Variants in CEP112 observed in about 807,000 individuals in gnomAD.
CEP112 encodes the protein centrosomal protein 112.
Under a neutral mutation model 153.0 loss-of-function variants are expected in CEP112, and 127 were observed. The observed-to-expected ratio is 0.83, with a 90% confidence interval of 0.72 to 0.96. The LOEUF is 0.96. CEP112 is among the 40% of genes least tolerant of loss of function. The pLI is 0.00. For synonymous variants in CEP112, 358 were observed against 374.4 expected (o/e 0.96, Z 0.51); for missense variants, 1,089 against 1,101.2 (o/e 0.99, Z 0.16).
intron 23 of CEP112, among the ~76,000 whole-genome samples, chr17:65,704,122 G>A (rs915107708): frequency 2.6e-5 from 4 of 151,916 alleles, no homozygotes; most frequent in African/African-American, 4.8e-5. Context: ...TTGGCCCTGC[G>A]ACGACAGGGC....
intron 21 of CEP112, among the ~76,000 whole-genome samples, chr17:65,751,847 A>G (rs1177946648): frequency 1.3e-5 from 2 of 152,186 alleles, no homozygotes; most frequent in African/African-American, 4.8e-5. Context: ...GCCCAGCATC[A>G]CACAGCTAGG....
At chr17:65,902,094 A>G in intron 20 of CEP112, 58 bp downstream of exon 20, 2 of 1,312,106 alleles carry the variant, frequency 1.5e-6, no homozygotes, top group Non-Finnish European at 2.2e-6. Flanking sequence ...GAAAACATTA[A>G]ACGCTGATGA....
At chr17:65,760,482 T>G (rs2052547252) in intron 21 of CEP112, among the ~76,000 whole-genome samples, 1 of 152,148 alleles carries the variant, frequency 6.6e-6, no homozygotes, top group Admixed American at 6.6e-5. Context: ...GCTGCTGAAT[T>G]TTATCAAATG....
intron 12 of CEP112, among the ~76,000 whole-genome samples, chr17:66,031,585 A>G (rs867350806): frequency 2.7e-5 from 4 of 150,348 alleles, no homozygotes. Flanking sequence ...CAGCTTCCTG[A>G]GCAGCTGAGA....
rs144968438 is a variant in CEP112 at position 65,964,872 on chromosome 17, G to A, written c.1737-3274C>T. 2.0e-5 allele frequency among the ~76,000 whole-genome samples: 3 copies of A among 152,216 alleles called. No homozygotes were observed. In the East Asian group the frequency reaches 5.8e-4, roughly 29 times the overall value. Reference sequence around the variant, plus strand: ...AACATTTATCAAAGGATTACCTTTGGTCAGTTTGTATATAAATACAAAAGA... The same window carrying A: ...AACATTTATCAAAGGATTACCTTTGATCAGTTTGTATATAAATACAAAAGA... On this transcript the variant is annotated intron_variant, in intron 17 of 26. Coordinates refer to ENST00000535342, the MANE Select transcript of CEP112 (RefSeq NM_001199165.4).
At chr17:65,970,427 C>T (rs1284332759) in intron 17 of CEP112, among the ~76,000 whole-genome samples, 7 of 89,482 alleles carry the variant, frequency 7.8e-5, no homozygotes, top group African/African-American at 2.3e-4. Context: ...ATATTACATG[C>T]ATGCACACAT....
intron 16 of CEP112, among the ~76,000 whole-genome samples, chr17:66,027,187 G>T (rs1288127617): frequency 6.6e-6 from 1 of 152,106 alleles, no homozygotes; most frequent in Non-Finnish European, 1.5e-5. Context: ...GACCAACCTG[G>T]CCAAAATGGT....
chr17:65,685,242 G>A (rs1361838429), intron 24 of CEP112, among the ~76,000 whole-genome samples: 1 of 151,904 alleles, frequency 6.6e-6, no homozygotes, highest in Non-Finnish European at 1.5e-5. Flanking sequence ...AGCAGCTTTT[G>A]GTTTTTAATT....
At chr17:65,637,428 C>G (rs1213611335) in intron 25 of CEP112, among the ~76,000 whole-genome samples, 1 of 152,208 alleles carries the variant, frequency 6.6e-6, no homozygotes, top group African/African-American at 2.4e-5. Context: ...ATCTGGCCCA[C>G]CCCCATCATT....
chr17:65,816,553 G>GATATA (rs1299014407), intron 21 of CEP112, among the ~76,000 whole-genome samples: 1 of 151,878 alleles, frequency 6.6e-6, no homozygotes, highest in Non-Finnish European at 1.5e-5. Flanking sequence ...TACATCTACT[G>GATATA]ATATAATATG....
chr17:66,116,202 C>CT, intron 6 of CEP112, among the ~76,000 whole-genome samples: 1 of 152,282 alleles, frequency 6.6e-6, no homozygotes, highest in South Asian at 2.1e-4. Context: ...CCAGCAGATA[C>CT]AGTGCTTACC....
chr17:65,983,719 C>T (rs9893980), intron 17 of CEP112, among the ~76,000 whole-genome samples: 79,162 of 152,042 alleles, frequency 0.52, 21,618 homozygotes, highest in African/African-American at 0.6. Context: ...GCTTCTTGTA[C>T]AGTCTGTAGA....
At chr17:65,761,197 G>A (rs1416794461) in intron 21 of CEP112, among the ~76,000 whole-genome samples, 1 of 150,960 alleles carries the variant, frequency 6.6e-6, no homozygotes, top group Admixed American at 6.6e-5. Context: ...ACCAGCTTTT[G>A]GTTTCATTGA....
intron 17 of CEP112, among the ~76,000 whole-genome samples, chr17:66,003,370 G>A (rs2064139355): frequency 6.6e-6 from 1 of 152,078 alleles, no homozygotes; most frequent in Non-Finnish European, 1.5e-5. Flanking sequence ...CTATCTACCA[G>A]CACCACTAAA....
At chr17:65,652,242 A>C (rs1423330982) in intron 24 of CEP112, among the ~76,000 whole-genome samples, 1 of 152,070 alleles carries the variant, frequency 6.6e-6, no homozygotes, top group Non-Finnish European at 1.5e-5. Context: ...AGGGATTAAG[A>C]GCCCAGATAC....
chr17:65,943,652 T>G (rs1176302193), intron 18 of CEP112, among the ~76,000 whole-genome samples: 1 of 152,154 alleles, frequency 6.6e-6, no homozygotes, highest in Non-Finnish European at 1.5e-5. Context: ...TTTTTTCCCT[T>G]CATTTCTACC....
chr17:66,154,854 T>C (rs774726379), intron 4 of CEP112, among the ~76,000 whole-genome samples: 78 of 152,234 alleles, frequency 5.1e-4, no homozygotes, highest in Non-Finnish European at 8.2e-4. Flanking sequence ...TTAAATTTAA[T>C]TGCCATTATA....
chr17:65,669,834 C>A (rs560382830), intron 24 of CEP112, among the ~76,000 whole-genome samples: 1 of 147,458 alleles, frequency 6.8e-6, no homozygotes, highest in South Asian at 2.2e-4. Flanking sequence ...ACCCGGGAGG[C>A]GGAGGTTGCG....
intron 17 of CEP112, among the ~76,000 whole-genome samples, chr17:65,971,695 TTACATGCATATTACA>T (rs1290878971): frequency 1.3e-5 from 2 of 152,160 alleles, no homozygotes; most frequent in African/African-American, 4.8e-5. Context: ...TGCGTGTATA[TTACATGCATATTACA>T]TGCATGCATA....
Sources: allele counts gnomAD v4.1 joint callset (sites outside exome capture counted in the v4.1 genomes callset), GRCh38; gene constraint gnomAD v4.1.1; transcripts MANE v1.5; gene names NCBI Gene and HGNC (gene_info 2026-07-23, HGNC 2026-07-21).